Variants in VPS50 observed in about 807,000 individuals in gnomAD.
VPS50 encodes syndetin.
VPS50 carries 70 observed loss-of-function variants against 139.7 expected under a neutral mutation model. The observed-to-expected ratio is 0.50, with a 90% CI of 0.41 to 0.61. The LOEUF is 0.61. VPS50 is among the 20% of genes least tolerant of loss of function. The probability of loss-of-function intolerance (pLI) is 0.00; values close to 1 mark genes in which losing one functional copy is unlikely to be tolerated. For synonymous variants in VPS50, 365 were observed against 376.7 expected, an observed-to-expected ratio of 0.97 and a Z score of 0.36; for missense variants, 921 against 1,133.7, an observed-to-expected ratio of 0.81 and a Z score of 2.69.
intron 26 of VPS50, among the ~76,000 whole-genome samples, chr7:93,355,254 T>C (rs376856130): frequency 8.5e-5 from 13 of 152,168 alleles, no homozygotes; most frequent in Admixed American, 3.3e-4. Flanking sequence ...AAATGAAACA[T>C]TGACTTAATG....
At chr7:93,280,642 A>AT (rs555259125) in intron 12 of VPS50, among the ~76,000 whole-genome samples, 205 of 151,352 alleles carry the variant, frequency 1.4e-3, no homozygotes, top group African/African-American at 1.3e-3. Context: ...ATTCATAAGG[A>AT]TTTTTTTTTC....
rs566592405 is a variant in VPS50, at chr7:93,241,845, A to G, written c.102+1911A>G. On this transcript the variant is annotated intron_variant, in intron 2 of 27. Coordinates refer to ENST00000305866, the MANE Select transcript of VPS50 (RefSeq NM_017667.4). ...TTTATACTTAGATCATAACACATAT[A>G]TTTTAATGATTTATTTTTGTATAAT... Among the ~76,000 whole-genome samples, 10 of 152,186 alleles carry G rather than the reference A, an allele frequency of 6.6e-5. No homozygotes were observed. The South Asian group carries it at 2.1e-3, about 32-fold the overall frequency.
intron 12 of VPS50, among the ~76,000 whole-genome samples, chr7:93,283,759 C>G: frequency 6.6e-6 from 1 of 152,032 alleles, no homozygotes; most frequent in Non-Finnish European, 1.5e-5. Context: ...TCAACAGGCA[C>G]AACAGGAACA....
chr7:93,336,037 T>G (rs1324099892), intron 22 of VPS50, among the ~76,000 whole-genome samples: 1 of 152,228 alleles, frequency 6.6e-6, no homozygotes, highest in Non-Finnish European at 1.5e-5. Flanking sequence ...ATTAATTTTC[T>G]TCACTTCATT....
intron 26 of VPS50, among the ~76,000 whole-genome samples, 166 bp from the exon 27 acceptor site, chr7:93,355,725 C>T (rs1798687676): frequency 6.6e-6 from 1 of 152,136 alleles, no homozygotes; most frequent in Non-Finnish European, 1.5e-5. Flanking sequence ...AGAGCACAAA[C>T]ACAACCCAGT....
At chr7:93,286,372 G>A (rs1796486608) in intron 12 of VPS50, among the ~76,000 whole-genome samples, 1 of 152,106 alleles carries the variant, frequency 6.6e-6, no homozygotes, top group Non-Finnish European at 1.5e-5. Flanking sequence ...TGCCAAATGA[G>A]TCTCCCCTTC....
chr7:93,253,925 A>G lies in VPS50; in HGVS notation c.291A>G (p.Gln97=). The G allele has an allele frequency of 6.4e-7, 1 of 1,572,694 alleles. No individual in the cohort carries two copies. Among genetic ancestry groups the G allele is most frequent in the Non-Finnish European group, 8.7e-7 (1 of 1,147,026 alleles). The change falls in exon 4 of 28, where the codon CAA becomes CAG. Residue 97 remains glutamine (Q), a synonymous_variant. Transcript: ENST00000305866. ...ATAGAGACAAATTGAAACAACAGCA[A>G]GCTGCAGTAAGTAAAAAAAAAACAC... The part of the protein sequence containing the change: ...EAYRDKLKQQ[Q]AAVSKKVADL...
intron 12 of VPS50, among the ~76,000 whole-genome samples, chr7:93,286,608 G>T (rs1796494198): frequency 6.6e-6 from 1 of 152,146 alleles, no homozygotes; most frequent in Non-Finnish European, 1.5e-5. Context: ...ATGCTCTGCA[G>T]ATGTGAAGAA....
chr7:93,233,101 G>T (rs994275877), intron 1 of VPS50, among the ~76,000 whole-genome samples: 4 of 152,088 alleles, frequency 2.6e-5, no homozygotes, highest in African/African-American at 9.7e-5. Context: ...TTTTGTCATG[G>T]CAAAATACTG....
intron 24 of VPS50, among the ~76,000 whole-genome samples, chr7:93,349,030 C>G (rs6952100): frequency 0.099 from 15,053 of 152,164 alleles, 779 homozygotes; most frequent in East Asian, 0.18. Context: ...TCAGTTAAAA[C>G]TGTTAAAATA....
chr7:93,310,529 C>A (rs1797237942), intron 19 of VPS50, among the ~76,000 whole-genome samples: 1 of 151,878 alleles, frequency 6.6e-6, no homozygotes, highest in Non-Finnish European at 1.5e-5. Flanking sequence ...TAGTGACTCA[C>A]CACTGTGTTC....
At chr7:93,306,339 C>T (rs1171682735) in intron 18 of VPS50, among the ~76,000 whole-genome samples, 4 of 151,820 alleles carry the variant, frequency 2.6e-5, no homozygotes, top group Admixed American at 6.6e-5. Flanking sequence ...TGTGAGATGA[C>T]GGAATAGATA....
chr7:93,296,953 T>C (rs562560049), intron 15 of VPS50, 117 bp downstream of exon 15: 13 of 1,433,240 alleles, frequency 9.1e-6, no homozygotes, highest in African/African-American at 1.5e-5. Context: ...TTTTTGCTGC[T>C]AAGTTTGTGA....
At chr7:93,301,713 A>G (rs1180193447) in intron 16 of VPS50, among the ~76,000 whole-genome samples, 4 of 152,278 alleles carry the variant, frequency 2.6e-5, no homozygotes, top group East Asian at 3.9e-4. Flanking sequence ...GAGAGAATAA[A>G]TTTTTGCTTG....
intron 20 of VPS50, among the ~76,000 whole-genome samples, chr7:93,319,877 CTTAAT>C (rs759978942): frequency 6.6e-6 from 1 of 151,980 alleles, no homozygotes; most frequent in Non-Finnish European, 1.5e-5. Context: ...TTTTAGGAGA[CTTAAT>C]TTAACTTTTT....
At chr7:93,240,941 C>G (rs1386556845) in intron 2 of VPS50, among the ~76,000 whole-genome samples, 1 of 151,940 alleles carries the variant, frequency 6.6e-6, no homozygotes, top group African/African-American at 2.4e-5. Flanking sequence ...ATGGTTCAGA[C>G]AAAAACTTAA....
Position 93,334,450 on chromosome 7 carries a change from A to G in VPS50, c.2058+253A>G, listed in dbSNP as rs867304185. Among the ~76,000 whole-genome samples, 8 of 152,216 alleles carry G rather than the reference A, an allele frequency of 5.3e-5. No individual in the cohort carries two copies. The South Asian group carries it at 1.2e-3, about 24-fold the overall frequency. On this transcript the variant is annotated intron_variant, in intron 22 of 27. Coordinates refer to ENST00000305866, the MANE Select transcript of VPS50 (RefSeq NM_017667.4). ...AGAGAAAGGTTTATGTGAAAAACTA[A>G]TATCAGAGGAGGACTAAAGGAAGAA... is the stretch of plus-strand genomic sequence containing the variant.
At chr7:93,313,254 G>A (rs1249052876) in intron 20 of VPS50, among the ~76,000 whole-genome samples, 4 of 152,094 alleles carry the variant, frequency 2.6e-5, no homozygotes, top group Non-Finnish European at 4.4e-5. Flanking sequence ...TGCTTCTGCC[G>A]CAGGAAGCAC....
At chr7:93,355,136 G>C (rs1358981420) in intron 26 of VPS50, among the ~76,000 whole-genome samples, 1 of 142,226 alleles carries the variant, frequency 7.0e-6, no homozygotes, top group Non-Finnish European at 1.5e-5. Flanking sequence ...AAAAAAAAAA[G>C]CTTGGTCATT....
Sources: allele counts gnomAD v4.1 joint callset (sites outside exome capture counted in the v4.1 genomes callset), GRCh38; gene constraint gnomAD v4.1.1; transcripts MANE v1.5; gene names NCBI Gene and HGNC (gene_info 2026-07-23, HGNC 2026-07-21).